Variants in SLC16A10 observed in about 807,000 individuals in gnomAD.
SLC16A10 encodes the protein monocarboxylate transporter 10.
A neutral mutation model predicts 40.0 loss-of-function variants in SLC16A10; 27 were observed. The ratio of observed to expected loss-of-function variants is 0.67; its 90% CI spans 0.50 to 0.93. SLC16A10 has a LOEUF of 0.93. Ranked by LOEUF, SLC16A10 falls within the 40% of genes least tolerant of loss-of-function variation. The pLI is 0.00. For missense variants in SLC16A10, 529 were observed against 658.2 expected (o/e 0.80, Z 2.15); for synonymous variants, 213 against 249.8 (o/e 0.85, Z 1.39).
chr6:111,196,856 C>T (rs1773087338), intron 3 of SLC16A10, among the ~76,000 whole-genome samples: 1 of 152,122 alleles, frequency 6.6e-6, no homozygotes, highest in African/African-American at 2.4e-5. Flanking sequence ...AAATACTACA[C>T]CATTTTGTAT....
chr6:111,153,354 G>T (rs911044386), intron 1 of SLC16A10, among the ~76,000 whole-genome samples: 2 of 152,024 alleles, frequency 1.3e-5, no homozygotes, highest in African/African-American at 2.4e-5. Context: ...GGGCAACATG[G>T]TGAAACCCTG....
chr6:111,109,901 T>A (rs1771355249), intron 1 of SLC16A10, among the ~76,000 whole-genome samples: 1 of 152,162 alleles, frequency 6.6e-6, no homozygotes, highest in African/African-American at 2.4e-5. Context: ...AAATTTAAAT[T>A]TAAATTTTGT....
chr6:111,174,039 A>G (rs1772634258), intron 2 of SLC16A10, among the ~76,000 whole-genome samples: 1 of 152,118 alleles, frequency 6.6e-6, no homozygotes, highest in South Asian at 2.1e-4. Flanking sequence ...ACTGCATGGA[A>G]CATCTCTCCC....
At chr6:111,172,058 T>A (rs1179600063) in intron 1 of SLC16A10, among the ~76,000 whole-genome samples, 1 of 152,210 alleles carries the variant, frequency 6.6e-6, no homozygotes, top group Non-Finnish European at 1.5e-5. Flanking sequence ...TAAGTGCTTA[T>A]GTGCCAGATA....
At chr6:111,179,832 C>T (rs1476573602) in intron 3 of SLC16A10, among the ~76,000 whole-genome samples, 3 of 152,298 alleles carry the variant, frequency 2.0e-5, no homozygotes, top group East Asian at 1.9e-4. Flanking sequence ...GAATGCAGCA[C>T]GGTAGAGGAA....
intron 1 of SLC16A10, among the ~76,000 whole-genome samples, chr6:111,100,198 G>T (rs926659675): frequency 7.2e-5 from 11 of 152,032 alleles, no homozygotes; most frequent in Admixed American, 2.6e-4. Flanking sequence ...AAACATGAGA[G>T]TTTATTACTT....
chr6:111,192,175 A>G (rs922792395), intron 3 of SLC16A10, among the ~76,000 whole-genome samples: 2 of 152,158 alleles, frequency 1.3e-5, no homozygotes, highest in East Asian at 3.9e-4. Flanking sequence ...CAAATTTTCC[A>G]AACTTTTATG....
rs1771023474 is a variant in SLC16A10, at chr6:111,227,519, A to C, written c.*5284A>C. The C allele has an allele frequency of 6.6e-6, 1 of 152,202 alleles. No individual in the cohort carries two copies. Among genetic ancestry groups the C allele is most frequent in the Non-Finnish European group, 1.5e-5 (1 of 68,036 alleles). The allele number at this position is 152,202 out of a possible 1,614,324, so 9.4% of individuals were successfully genotyped here. ...TTCATGACATCTTTGAATCACTCAG[A>C]AAAATCTTGAAACTCAGGACGTAGT... is the stretch of plus-strand genomic sequence containing the variant. On this transcript the variant is annotated 3_prime_UTR_variant, in exon 6 of 6. Coordinates refer to ENST00000368851, the MANE Select transcript of SLC16A10 (RefSeq NM_018593.5).
chr6:111,190,719 A>C (rs1772975607), intron 3 of SLC16A10, among the ~76,000 whole-genome samples: 1 of 152,210 alleles, frequency 6.6e-6, no homozygotes, highest in Non-Finnish European at 1.5e-5. Context: ...GCTGTACCTT[A>C]GCCCCTTTTA....
intron 1 of SLC16A10, among the ~76,000 whole-genome samples, chr6:111,167,735 C>G (rs972658916): frequency 2.6e-5 from 4 of 151,962 alleles, no homozygotes; most frequent in African/African-American, 9.7e-5. Flanking sequence ...GTGGCATGAT[C>G]ATAGCTTACT....
chr6:111,101,820 CGT>C (rs1481378587), intron 1 of SLC16A10, among the ~76,000 whole-genome samples: 1 of 152,152 alleles, frequency 6.6e-6, no homozygotes, highest in Non-Finnish European at 1.5e-5. Flanking sequence ...AGGGTTTCGC[CGT>C]GTTGGCCAGG....
chr6:111,203,056 A>G (rs1391371111), intron 3 of SLC16A10, among the ~76,000 whole-genome samples: 2 of 152,214 alleles, frequency 1.3e-5, no homozygotes, highest in Non-Finnish European at 1.5e-5. Flanking sequence ...AAATTGGTTT[A>G]AAAAATAGAT....
chr6:111,161,522 A>C (rs1772372174), intron 1 of SLC16A10, among the ~76,000 whole-genome samples: 2 of 152,048 alleles, frequency 1.3e-5, no homozygotes, highest in South Asian at 4.2e-4. Flanking sequence ...ACTGATACTA[A>C]CTGCTTCCTG....
At chr6:111,210,971 C>A (rs892076446) in intron 4 of SLC16A10, among the ~76,000 whole-genome samples, 8 of 150,666 alleles carry the variant, frequency 5.3e-5, no homozygotes, top group Non-Finnish European at 1.0e-4. Context: ...TGCAGTGAGC[C>A]GAGATCGCAC....
chr6:111,174,707 G>T (rs1296483636), intron 2 of SLC16A10, among the ~76,000 whole-genome samples: 4 of 152,034 alleles, frequency 2.6e-5, no homozygotes, highest in Admixed American at 2.0e-4. Flanking sequence ...GGTACCTATT[G>T]TCAGTACTTG....
rs151128019 is a variant in SLC16A10 at position 111,122,137 on chromosome 6, G to A, written c.343+34042G>A. On this transcript the variant is annotated intron_variant, in intron 1 of 5. Coordinates refer to ENST00000368851, the MANE Select transcript of SLC16A10 (RefSeq NM_018593.5). ...CAAGCTCAGGGAGGGTTGGGATCAG[G>A]CGTCTGTGACTCACAGTGTTGTGGG... 4.6e-5 allele frequency among the ~76,000 whole-genome samples: 7 copies of A among 152,286 alleles called. No homozygotes were observed. In the East Asian group the frequency reaches 1.4e-3, roughly 29 times the overall value.
intron 1 of SLC16A10, among the ~76,000 whole-genome samples, chr6:111,164,557 C>T (rs555451240): frequency 1.3e-5 from 2 of 151,854 alleles, no homozygotes; most frequent in Non-Finnish European, 2.9e-5. Flanking sequence ...GTCAGGAGTT[C>T]AAGACCAGCC....
chr6:111,155,630 A>G (rs1772257146), intron 1 of SLC16A10, among the ~76,000 whole-genome samples: 1 of 152,202 alleles, frequency 6.6e-6, no homozygotes, highest in Admixed American at 6.5e-5. Context: ...TGCTGTAAAG[A>G]AAGATTATAG....
At chr6:111,140,308 C>A in intron 1 of SLC16A10, among the ~76,000 whole-genome samples, 1 of 151,860 alleles carries the variant, frequency 6.6e-6, no homozygotes, top group Non-Finnish European at 1.5e-5. Flanking sequence ...TCAAAAAGTA[C>A]AAAAATTAGC....
Sources: allele counts gnomAD v4.1 joint callset (sites outside exome capture counted in the v4.1 genomes callset), GRCh38; gene constraint gnomAD v4.1.1; transcripts MANE v1.5; gene names NCBI Gene and HGNC (gene_info 2026-07-23, HGNC 2026-07-21).